The following FAM168A variants were observed in gnomAD, a reference collection of about 807,000 sequenced individuals.
The protein encoded by FAM168A is protein FAM168A.
Under a neutral mutation model 28.5 loss-of-function variants are expected in FAM168A, and 3 were observed. That is an observed-to-expected ratio of 0.11 (90% CI 0.05 to 0.27). FAM168A has a LOEUF of 0.27. Ranked by LOEUF, FAM168A falls within the 10% of genes least tolerant of loss-of-function variation. FAM168A has a pLI of 1.00. For synonymous variants in FAM168A, 122 were observed against 124.2 expected (o/e 0.98, Z 0.12); for missense variants, 222 against 311.5 (o/e 0.71, Z 2.16).
In FAM168A at chr11:73,444,780, T is replaced by A. The variant is rs867734868; in HGVS notation, c.71-14010A>T. Among the ~76,000 whole-genome samples, 8 of 152,202 alleles carry A rather than the reference T, an allele frequency of 5.3e-5. No homozygotes were observed. In the South Asian group the frequency reaches 8.3e-4, roughly 16 times the overall value. On this transcript the variant is annotated intron_variant, in intron 2 of 7. Coordinates refer to ENST00000356467, the MANE Select transcript of FAM168A (RefSeq NM_015159.3). Reference sequence around the variant, plus strand: ...TAAATTAAGGTGAGTTATACAACAGTACATAGCATATACTCTCATTTTTGT... The same window carrying A: ...TAAATTAAGGTGAGTTATACAACAGAACATAGCATATACTCTCATTTTTGT...
intron 4 of FAM168A, among the ~76,000 whole-genome samples, chr11:73,415,517 T>C (rs1002417498): frequency 4.6e-5 from 7 of 152,250 alleles, no homozygotes; most frequent in Non-Finnish European, 1.0e-4. Context: ...TATCCTCATT[T>C]GGACTAGACA....
chr11:73,534,041 T>C (rs1291083695), intron 1 of FAM168A, among the ~76,000 whole-genome samples: 1 of 152,210 alleles, frequency 6.6e-6, no homozygotes, highest in Non-Finnish European at 1.5e-5. Context: ...AATAGCTACC[T>C]TCAAACATGG....
chr11:73,554,960 G>A (rs11235803), intron 1 of FAM168A, among the ~76,000 whole-genome samples: 13,904 of 152,154 alleles, frequency 0.091, 661 homozygotes, highest in Admixed American at 0.12. Context: ...ACCATATAGC[G>A]TGACAAAGGC....
At chr11:73,596,678 T>C (rs1009477167) in intron 1 of FAM168A, among the ~76,000 whole-genome samples, 4 of 152,100 alleles carry the variant, frequency 2.6e-5, no homozygotes, top group Non-Finnish European at 5.9e-5. Context: ...TTAACCCTCA[T>C]GTGTCTCTTG....
At chr11:73,409,109 T>C (rs931473035) in intron 6 of FAM168A, among the ~76,000 whole-genome samples, 6 of 152,150 alleles carry the variant, frequency 3.9e-5, no homozygotes, top group African/African-American at 1.4e-4. Flanking sequence ...CCACAAGGTA[T>C]TCAGGACTTT....
At position 73,441,225 on chromosome 11, in the gene FAM168A, AT is replaced by A. The variant is rs755401923; in HGVS notation, c.71-10456del. On this transcript the variant is annotated intron_variant, in intron 2 of 7. Transcript: ENST00000356467. ...AGGCACATGCCACCACGCTTGGCTA[AT>A]TTTTTGTATCTTAGTAGAGATGGGG... 5.3e-4 allele frequency among the ~76,000 whole-genome samples: 80 copies of A among 151,966 alleles called. 1 individual carries two copies. Among genetic ancestry groups the A allele is most frequent in the Admixed American group, 3.9e-4 (6 of 15,266 alleles).
chr11:73,564,551 A>C (rs1037874027), intron 1 of FAM168A, among the ~76,000 whole-genome samples: 26 of 151,962 alleles, frequency 1.7e-4, no homozygotes, highest in Non-Finnish European at 2.4e-4. Context: ...ATCCTGGCTA[A>C]CACAGTGAAA....
At chr11:73,445,324 T>C (rs550165245) in intron 2 of FAM168A, among the ~76,000 whole-genome samples, 25 of 151,858 alleles carry the variant, frequency 1.6e-4, no homozygotes, top group African/African-American at 5.6e-4. Context: ...CTCTTATTGT[T>C]AGACATGTCA....
At chr11:73,528,989 A>G (rs1158116989) in intron 1 of FAM168A, among the ~76,000 whole-genome samples, 2 of 152,132 alleles carry the variant, frequency 1.3e-5, no homozygotes, top group East Asian at 1.9e-4. Context: ...GTGAGCTGCT[A>G]GTGTGGGATT....
In FAM168A at chr11:73,523,038, C is replaced by CAAA. The variant is rs1943404546; in HGVS notation, c.-18-54547_-18-54546insTTT. Among the ~76,000 whole-genome samples the CAAA allele has an allele frequency of 3.3e-5, 5 of 151,524 alleles. No homozygotes were observed. In the South Asian group the frequency reaches 1.0e-3, roughly 32 times the overall value. On this transcript the variant is annotated intron_variant, in intron 1 of 7. Transcript: ENST00000356467. Reference sequence around the variant, plus strand: ...AAACAAAAAACAAAACAAAACAAAACACACACACACACAATGAGAGGAGGG... The same window carrying CAAA: ...AAACAAAAAACAAAACAAAACAAAACAAAACACACACACACAATGAGAGGAGGG...
intron 1 of FAM168A, among the ~76,000 whole-genome samples, chr11:73,489,613 C>T (rs190656003): frequency 6.9e-4 from 104 of 151,672 alleles, no homozygotes; most frequent in African/African-American, 2.4e-3. Flanking sequence ...TAGGCTCAAG[C>T]GATCTTCCCA....
chr11:73,467,856 C>A (rs1429943165), intron 2 of FAM168A, among the ~76,000 whole-genome samples: 1 of 152,090 alleles, frequency 6.6e-6, no homozygotes, highest in East Asian at 1.9e-4. Flanking sequence ...TATACAAATA[C>A]AAATTCAAAC....
chr11:73,579,926 G>A (rs1355986694), intron 1 of FAM168A, among the ~76,000 whole-genome samples: 2 of 152,124 alleles, frequency 1.3e-5, no homozygotes, highest in African/African-American at 4.8e-5. Flanking sequence ...ATTCATTTAG[G>A]TACCTTAAGC....
chr11:73,460,499 CT>C (rs547956382), intron 2 of FAM168A, among the ~76,000 whole-genome samples: 3,903 of 112,788 alleles, frequency 0.035, 48 homozygotes, highest in African/African-American at 0.11. Context: ...GCTACTAATG[CT>C]TTTTTTTTTT....
At chr11:73,512,630 G>A (rs1855247046) in intron 1 of FAM168A, among the ~76,000 whole-genome samples, 1 of 151,214 alleles carries the variant, frequency 6.6e-6, no homozygotes, top group Non-Finnish European at 1.5e-5. Context: ...ACCTTGCCCA[G>A]GGGTCAGAGA....
At chr11:73,436,298 G>A (rs1867084708) in intron 2 of FAM168A, among the ~76,000 whole-genome samples, 1 of 152,112 alleles carries the variant, frequency 6.6e-6, no homozygotes. Flanking sequence ...ACAGAAATCA[G>A]GGGACTATTT....
At chr11:73,463,982 T>C (rs1290792154) in intron 2 of FAM168A, among the ~76,000 whole-genome samples, 1 of 152,134 alleles carries the variant, frequency 6.6e-6, no homozygotes, top group East Asian at 1.9e-4. Flanking sequence ...GGGGGAGTTG[T>C]GAGAACAGTT....
chr11:73,465,133 C>T (rs1266758459), intron 2 of FAM168A, among the ~76,000 whole-genome samples: 4 of 151,044 alleles, frequency 2.6e-5, no homozygotes, highest in African/African-American at 4.9e-5. Flanking sequence ...GTCATTATTC[C>T]ATTTTACAGT....
chr11:73,486,602 A>C (rs1016193531), intron 1 of FAM168A, among the ~76,000 whole-genome samples: 32 of 152,172 alleles, frequency 2.1e-4, no homozygotes, highest in Non-Finnish European at 3.5e-4. Flanking sequence ...TCTGACCATC[A>C]TTTATTAGCT....
Sources: gnomAD v4.1 joint callset for allele counts (sites outside exome capture counted in the v4.1 genomes callset) on GRCh38, gnomAD v4.1.1 for gene constraint, MANE v1.5 for transcripts, NCBI Gene and HGNC (gene_info 2026-07-23, HGNC 2026-07-21) for gene names.